Variants in NCAPD2 observed in about 807,000 individuals in gnomAD.
NCAPD2 encodes condensin complex subunit 1.
In NCAPD2, 100 loss-of-function variants were observed where a neutral mutation model predicts 164.5. That is an observed-to-expected ratio of 0.61 (90% CI 0.52 to 0.72). The LOEUF (loss-of-function observed/expected upper bound fraction) is 0.72, where lower values mean the gene tolerates loss of function less well. Among genes scored for constraint, NCAPD2 ranks in the 30% least tolerant of loss-of-function variants. The pLI is 0.00. For missense variants in NCAPD2, 1,560 were observed against 1,749.2 expected, an observed-to-expected ratio of 0.89 and a Z score of 1.93; for synonymous variants, 585 against 642.6, an observed-to-expected ratio of 0.91 and a Z score of 1.36.
At position 6,526,178 on chromosome 12, in the gene NCAPD2, C is replaced by T. The variant is rs781436926; in HGVS notation, c.2459C>T (p.Ala820Val). ...RLAQQVCHAI[A>V]NISDRRKPSL... ...GCCCAGCAGGTGTGCCATGCCATTG[C>T]CAACATCTCGGACAGGAGAAAGGTA... is the stretch of plus-strand genomic sequence containing the variant. The change falls in exon 19 of 32, where the codon GCC (alanine) becomes GTC (valine). Residue 820 changes from alanine to valine, a missense_variant. Ala to Val is a moderately conservative substitution (Grantham distance 64). Coordinates refer to ENST00000315579, the MANE Select transcript of NCAPD2 (RefSeq NM_014865.4). 2.5e-6 allele frequency: 4 copies of T among 1,614,174 alleles called. No individual in the cohort carries two copies. In the Admixed American group the frequency reaches 6.7e-5, roughly 27 times the overall value.
Position 6,525,667 on chromosome 12 carries a change from T to C in NCAPD2, c.2299T>C (p.Cys767Arg), listed in dbSNP as rs749876235. 1.7e-5 allele frequency: 27 copies of C among 1,613,680 alleles called. No homozygotes were observed. Among genetic ancestry groups the C allele is most frequent in the Admixed American group, 5.0e-5 (3 of 59,992 alleles). The change falls in exon 18 of 32, where the codon TGT (cysteine) becomes CGT (arginine). Residue 767 changes from cysteine to arginine, a missense_variant. Physicochemically the swap from Cys to Arg is radical, Grantham distance 180 (BLOSUM62 -3). Transcript: ENST00000315579. ...WERATEKVACCPLERCSSVML... is the reference protein window; with the variant it reads ...WERATEKVACRPLERCSSVML... ...GCGGGCCACCGAGAAGGTCGCCTGC[T>C]GTCCTCTGGAGCGCTGTTCCTCTGT... is the stretch of plus-strand genomic sequence containing the variant.
chr12:6,519,995 G>A (rs1040125494), intron 13 of NCAPD2, among the ~76,000 whole-genome samples: 7 of 152,078 alleles, frequency 4.6e-5, no homozygotes, highest in African/African-American at 7.2e-5. Context: ...CCAACGTGGC[G>A]AAATGGCGAA....
chr12:6,524,573 C>T (rs1386415763), intron 17 of NCAPD2, among the ~76,000 whole-genome samples: 3 of 145,344 alleles, frequency 2.1e-5, no homozygotes, highest in Admixed American at 7.2e-5. Context: ...TGCTTGAACC[C>T]AGGAGGTGGA....
chr12:6,531,780 G>T lies in NCAPD2; in HGVS notation c.*368G>T. The T allele has an allele frequency of 4.0e-6, 1 of 248,242 alleles. No homozygotes were observed. Among genetic ancestry groups the T allele is most frequent in the Non-Finnish European group, 8.0e-6 (1 of 125,106 alleles). The allele number at this position is 248,242 out of a possible 1,614,324, so 15.4% of individuals were successfully genotyped here. ...AATCACACCATTGCACTCCAGCTTG[G>T]GCAACAATAGCGAACCTCCATCTCA... On this transcript the variant is annotated 3_prime_UTR_variant, in exon 32 of 32. Transcript: ENST00000315579. This position sits in a 1 kb window ranked among gnomAD's most constrained non-coding sequence, Gnocchi z 4.1.
intron 2 of NCAPD2, among the ~76,000 whole-genome samples, chr12:6,502,350 G>C (rs569480622): frequency 6.6e-6 from 1 of 152,348 alleles, no homozygotes; most frequent in Admixed American, 6.5e-5. Context: ...CTGAGAGTGA[G>C]TTTGGGAAGA....
intron 2 of NCAPD2, 118 bp from the exon 3 acceptor site, chr12:6,509,599 T>C (rs926394654): frequency 3.2e-6 from 3 of 944,496 alleles, no homozygotes; most frequent in Non-Finnish European, 5.1e-6. Context: ...GTGAACTGTT[T>C]GTCTCTTTTT....
At chr12:6,521,376 C>T (rs1165013026) in intron 14 of NCAPD2, among the ~76,000 whole-genome samples, 2 of 152,200 alleles carry the variant, frequency 1.3e-5, no homozygotes, top group Non-Finnish European at 2.9e-5. Context: ...TTCATATCTT[C>T]ACATTGTGAA....
chr12:6,504,198 T>G lies in NCAPD2; in HGVS notation c.128-5519T>G, dbSNP rs911850441. Among the ~76,000 whole-genome samples, 7 of 27,244 alleles carry G rather than the reference T, an allele frequency of 2.6e-4. No individual in the cohort carries two copies. The East Asian group carries it at 4.3e-3, about 17-fold the overall frequency. 17.9% of individuals were successfully genotyped at this position (27,244 alleles called of 152,430 possible). A position where few individuals can be genotyped will look rare whatever the true frequency, so the allele number is the denominator to read the frequency against. ...ATATATATACATATATATATATATA[T>G]ATATATATATATATATATAGATATA... On this transcript the variant is annotated intron_variant, in intron 2 of 31. Transcript: ENST00000315579.
At chr12:6,529,206 T>C in intron 27 of NCAPD2, 167 bp downstream of exon 27, 1 of 649,812 alleles carries the variant, frequency 1.5e-6, no homozygotes, top group Non-Finnish European at 2.6e-6. Flanking sequence ...CTGATGATAC[T>C]TAACCCTTAG....
chr12:6,520,411 C>T (rs578187073), intron 13 of NCAPD2, among the ~76,000 whole-genome samples: 2 of 145,780 alleles, frequency 1.4e-5, no homozygotes, highest in South Asian at 2.3e-4. Context: ...CCCACAGGCA[C>T]ACACCATCAC....
intron 13 of NCAPD2, among the ~76,000 whole-genome samples, chr12:6,520,634 T>C (rs1420619605): frequency 6.6e-6 from 1 of 152,220 alleles, no homozygotes; most frequent in Non-Finnish European, 1.5e-5. Context: ...TAACTAATTA[T>C]TGAAAGTTTA....
At position 6,513,715 on chromosome 12, in the gene NCAPD2, C is replaced by CTTTTTTTTTTTTTTTTTTTTTTT. The variant is rs71067124; in HGVS notation, c.588-532_588-531insTTTTTTTTTTTTTTTTTTTTTTT. On this transcript the variant is annotated intron_variant, in intron 6 of 31. Coordinates refer to ENST00000315579, the MANE Select transcript of NCAPD2 (RefSeq NM_014865.4). ...AATGAGAAGTCATTGGTGACTTTGT[C>CTTTTTTTTTTTTTTTTTTTTTTT]TTTTTTTTTTTTTTTTTTGTGATGG... 5.5e-3 allele frequency among the ~76,000 whole-genome samples: 414 copies of CTTTTTTTTTTTTTTTTTTTTTTT among 74,854 alleles called. 107 individuals are homozygous for CTTTTTTTTTTTTTTTTTTTTTTT. Among genetic ancestry groups the CTTTTTTTTTTTTTTTTTTTTTTT allele is most frequent in the African/African-American group, 8.9e-3 (150 of 16,946 alleles). 49.1% of individuals were successfully genotyped at this position (74,854 alleles called of 152,430 possible). A position where few individuals can be genotyped will look rare whatever the true frequency, so the allele number is the denominator to read the frequency against.
At position 6,528,342 on chromosome 12, in the gene NCAPD2, C is replaced by A; in HGVS notation, c.3299+14C>A. 6.2e-7 allele frequency: 1 copy of A among 1,613,284 alleles called. No homozygotes were observed. Among genetic ancestry groups the A allele is most frequent in the African/African-American group, 1.3e-5 (1 of 75,022 alleles). ...TCTGTATGCTCGGTAAGAGACCCCT[C>A]ACAACGTGGTGGCAGTTCCCAGGAG... On this transcript the variant is annotated intron_variant, in intron 25 of 31. Coordinates refer to ENST00000315579, the MANE Select transcript of NCAPD2 (RefSeq NM_014865.4). This position sits in a 1 kb window ranked among gnomAD's most constrained non-coding sequence, Gnocchi z 5.1.
In NCAPD2 at chr12:6,517,433, G is replaced by A. The variant is rs1439635063; in HGVS notation, c.1254G>A (p.Val418=). ...TGGGACGTCTGGCAGACAAGTCAGT[G>A]CTAGTATGTAAAAATGCCATCCAGC... is the stretch of plus-strand genomic sequence containing the variant. ...LAVGRLADKS[V]LVCKNAIQLL... The change falls in exon 11 of 32, where the codon GTG becomes GTA. Residue 418 remains valine, a synonymous_variant. Coordinates refer to ENST00000315579, the MANE Select transcript of NCAPD2 (RefSeq NM_014865.4). The A allele has an allele frequency of 6.2e-7, 1 of 1,614,238 alleles. No individual in the cohort carries two copies. Among genetic ancestry groups the A allele is most frequent in the Admixed American group, 1.7e-5 (1 of 60,026 alleles).
At chr12:6,504,820 T>A (rs1946084308) in intron 2 of NCAPD2, among the ~76,000 whole-genome samples, 1 of 152,154 alleles carries the variant, frequency 6.6e-6, no homozygotes, top group East Asian at 1.9e-4. Context: ...ATCGACACCA[T>A]AAGTTTACAT....
intron 6 of NCAPD2, among the ~76,000 whole-genome samples, chr12:6,511,663 G>A (rs1035689636): frequency 1.3e-5 from 2 of 152,058 alleles, no homozygotes; most frequent in African/African-American, 4.8e-5. Context: ...AAATAAGTTT[G>A]ATGGAAGAAG....
rs1404671232 is a variant in NCAPD2 at position 6,514,769 on chromosome 12, G to A, written c.840-4G>A. Reference sequence around the variant, plus strand: ...GCTATGGCTGTGTTTTCTTCCCTGTGTAGAGAGATTGGACAAAAGTGTCCC... The same window carrying A: ...GCTATGGCTGTGTTTTCTTCCCTGTATAGAGAGATTGGACAAAAGTGTCCC... On this transcript the variant is annotated splice_region_variant and splice_polypyrimidine_tract_variant and intron_variant, in intron 8 of 31. Coordinates refer to ENST00000315579, the MANE Select transcript of NCAPD2 (RefSeq NM_014865.4). The A allele has an allele frequency of 2.5e-6, 4 of 1,614,204 alleles. No individual in the cohort carries two copies. Among genetic ancestry groups the A allele is most frequent in the South Asian group, 1.1e-5 (1 of 91,084 alleles).
intron 5 of NCAPD2, 132 bp from the exon 6 acceptor site, chr12:6,510,978 G>T: frequency 7.8e-7 from 1 of 1,276,564 alleles, no homozygotes; most frequent in African/African-American, 1.5e-5. Flanking sequence ...TAGCGCTGTG[G>T]AACTTGTAAT....
At chr12:6,527,212 G>T (rs1055483837) in intron 22 of NCAPD2, 149 bp downstream of exon 22, 11 of 869,834 alleles carry the variant, frequency 1.3e-5, no homozygotes, top group Non-Finnish European at 1.8e-5. Flanking sequence ...GGAAAGGTTC[G>T]TGTGAACAAT....
Sources: gnomAD v4.1 joint callset for allele counts (sites outside exome capture counted in the v4.1 genomes callset) on GRCh38, gnomAD v4.1.1 for gene constraint, Gnocchi (gnomAD v3.1) non-coding constraint, MANE v1.5 for transcripts, NCBI Gene and HGNC (gene_info 2026-07-23, HGNC 2026-07-21) for gene names.